Variants in PAX9 observed in about 807,000 individuals in gnomAD.
PAX9 encodes paired box 9, also known as paired box protein Pax-9.
Under a neutral mutation model 29.1 loss-of-function variants are expected in PAX9, and 6 were observed. The observed-to-expected ratio is 0.21, with a 90% CI of 0.11 to 0.41. The LOEUF (loss-of-function observed/expected upper bound fraction) is 0.41. Among genes scored for constraint, PAX9 ranks in the 10% least tolerant of loss-of-function variants. The pLI is 1.00. For missense variants in PAX9, 443 were observed against 479.1 expected, an observed-to-expected ratio of 0.92 and a Z score of 0.70; for synonymous variants, 217 against 211.7, an observed-to-expected ratio of 1.03 and a Z score of -0.22.
In PAX9 at chr14:36,663,132, C is replaced by T; in HGVS notation, c.240C>T (p.Thr80=). 6.2e-7 allele frequency: 1 copy of T among 1,613,994 alleles called. No individual in the cohort carries two copies. The highest frequency in any genetic ancestry group is 8.5e-7 in the Non-Finnish European group (1 of 1,180,034). ...AIGGSKPRVT[T]PTVVKHIRTY... ...GGGGCAGCAAGCCCCGGGTCACTAC[C>T]CCCACCGTGGTGAAACACATCCGGA... The change falls in exon 2 of 4, where the codon ACC becomes ACT. Residue 80 remains threonine (T), a synonymous_variant. Transcript: ENST00000361487.
intron 2 of PAX9, 37 bp from the exon 3 acceptor site, chr14:36,666,425 G>T: frequency 6.2e-7 from 1 of 1,600,600 alleles, no homozygotes; most frequent in Admixed American, 1.7e-5. Flanking sequence ...CGCGCGGGCT[G>T]GGCCTCCGGC....
In PAX9 at chr14:36,678,941, T is replaced by TTAAC; in HGVS notation, c.*2491_*2494dup. ...AAGGAAAATAGGATGGATTAAAGGGTTAACTTTTAAAGATTATTATTGGTT... is the reference window on the plus strand; with the variant it reads ...AAGGAAAATAGGATGGATTAAAGGGTTAACTAACTTTTAAAGATTATTATTGGTT... On this transcript the variant is annotated 3_prime_UTR_variant, in exon 4 of 4. Transcript: ENST00000361487. 1.0e-6 allele frequency: 1 copy of TTAAC among 981,310 alleles called. No homozygotes were observed. Among genetic ancestry groups the TTAAC allele is most frequent in the South Asian group, 4.7e-5 (1 of 21,188 alleles). The allele number at this position is 981,310 out of a possible 1,614,324, so 60.8% of individuals were successfully genotyped here. A position where few individuals can be genotyped will look rare whatever the true frequency, so the allele number is the denominator to read the frequency against.
Position 36,663,489 on chromosome 14 carries a change from C to T in PAX9, c.597C>T (p.Thr199=). Residue 199 remains threonine, a synonymous_variant, in exon 2 of 4, where the codon ACC becomes ACT. Transcript: ENST00000361487. ...CCTGGCCCTCCTCGCACTCCGTCAC[C>T]GACATCCTGGGCATCCGCTCCATCA... ...PRTWPSSHSV[T]DILGIRSITD... The T allele has an allele frequency of 6.2e-7, 1 of 1,612,974 alleles. No homozygotes were observed. The highest frequency in any genetic ancestry group is 8.5e-7 in the Non-Finnish European group (1 of 1,179,904).
intron 3 of PAX9, among the ~76,000 whole-genome samples, chr14:36,669,390 T>C (rs1881626818): frequency 6.6e-6 from 1 of 152,152 alleles, no homozygotes; most frequent in Non-Finnish European, 1.5e-5. Flanking sequence ...GTAACACGTA[T>C]TTTTCCCTCT....
chr14:36,661,305 C>T (rs147158970), upstream of PAX9, among the ~76,000 whole-genome samples: 33 of 152,358 alleles, frequency 2.2e-4, no homozygotes, highest in African/African-American at 7.9e-4. Context: ...ACCTGTGGCT[C>T]GGGCTCCCCG....
chr14:36,674,211 C>T (rs17104939), intron 3 of PAX9, among the ~76,000 whole-genome samples: 9,705 of 152,150 alleles, frequency 0.064, 519 homozygotes, highest in East Asian at 0.3. Context: ...AGAAACTATT[C>T]TTTTTTTAGA....
In PAX9 at chr14:36,679,267, G is replaced by T; in HGVS notation, c.*2815G>T. 1 of 982,844 alleles carries T rather than the reference G, an allele frequency of 1.0e-6. No homozygotes were observed. The highest frequency in any genetic ancestry group is 1.2e-6 in the Non-Finnish European group (1 of 827,652). 60.9% of individuals were successfully genotyped at this position (982,844 alleles called of 1,614,324 possible). ...AAATTTTAAAAAACACGTTGGAAAG[G>T]ATGTACAACAGAAGGCTATGTATGT... On this transcript the variant is annotated 3_prime_UTR_variant, in exon 4 of 4. Coordinates refer to ENST00000361487, the MANE Select transcript of PAX9 (RefSeq NM_001372076.1).
chr14:36,663,108 G>C lies in PAX9; in HGVS notation c.216G>C (p.Gly72=), dbSNP rs746823467. 9.9e-6 allele frequency: 16 copies of C among 1,613,984 alleles called. No individual in the cohort carries two copies. Among genetic ancestry groups the C allele is most frequent in the Non-Finnish European group, 1.4e-5 (16 of 1,180,044 alleles). The change falls in exon 2 of 4, where the codon GGG becomes GGC. Residue 72 remains glycine (G), a synonymous_variant. Coordinates refer to ENST00000361487, the MANE Select transcript of PAX9 (RefSeq NM_001372076.1). ...ETGSILPGAI[G]GSKPRVTTPT... The stretch of plus-strand genomic sequence containing the variant: ...GCTCGATCTTGCCAGGAGCCATCGG[G>C]GGCAGCAAGCCCCGGGTCACTACCC...
At position 36,678,448 on chromosome 14, in the gene PAX9, T is replaced by A; in HGVS notation, c.*1996T>A. ...TCTCAGGGCCATAGTCTTCCTTTGA[T>A]CTTGTAAAACTTCCATTGACATCTG... is the stretch of plus-strand genomic sequence containing the variant. On this transcript the variant is annotated 3_prime_UTR_variant, in exon 4 of 4. Coordinates refer to ENST00000361487, the MANE Select transcript of PAX9 (RefSeq NM_001372076.1). The A allele has an allele frequency of 6.7e-7, 1 of 1,494,774 alleles. No homozygotes were observed. The highest frequency in any genetic ancestry group is 9.0e-7 in the Non-Finnish European group (1 of 1,108,158). 92.6% of individuals were successfully genotyped at this position (1,494,774 alleles called of 1,614,324 possible). A position where few individuals can be genotyped will look rare whatever the true frequency, so the allele number is the denominator to read the frequency against.
At chr14:36,670,182 A>G (rs1881650922) in intron 3 of PAX9, among the ~76,000 whole-genome samples, 1 of 152,086 alleles carries the variant, frequency 6.6e-6, no homozygotes, top group Admixed American at 6.5e-5. Context: ...AGAAAGATAC[A>G]TTGCATATCT....
intron 3 of PAX9, among the ~76,000 whole-genome samples, chr14:36,666,987 C>G (rs941384957): frequency 3.9e-5 from 6 of 152,096 alleles, no homozygotes; most frequent in Admixed American, 1.3e-4. Flanking sequence ...TCTGAAGGGC[C>G]GAGCGGAGCA....
chr14:36,658,837 A>T (rs1881142926), upstream of PAX9: 1 of 152,284 alleles, frequency 6.6e-6, no homozygotes, highest in Non-Finnish European at 1.5e-5. Flanking sequence ...GGTCGATCCG[A>T]TGCTGGGGTC....
Position 36,663,131 on chromosome 14 carries a change from C to G in PAX9, c.239C>G (p.Thr80Ser). 6.2e-7 allele frequency: 1 copy of G among 1,614,024 alleles called. No homozygotes were observed. The highest frequency in any genetic ancestry group is 8.5e-7 in the Non-Finnish European group (1 of 1,180,046). Residue 80 changes from threonine (T) to serine (S), a missense_variant, in exon 2 of 4, where the codon ACC (threonine) becomes AGC (serine). This residue lies in a region of PAX9 where 107 missense variants were observed against 161.9 expected (regional missense o/e 0.66). Transcript: ENST00000361487. ...GGGGGCAGCAAGCCCCGGGTCACTA[C>G]CCCCACCGTGGTGAAACACATCCGG... Reference protein sequence around the residue: ...AIGGSKPRVTTPTVVKHIRTY... With the variant: ...AIGGSKPRVTSPTVVKHIRTY...
Position 36,663,335 on chromosome 14 carries a change from C to A in PAX9, c.443C>A (p.Pro148Gln), listed in dbSNP as rs974072582. The change falls in exon 2 of 4, where the codon CCG becomes CAG. Residue 148 changes from proline to glutamine, a missense_variant. This residue lies in a region of PAX9 where 336 missense variants were observed against 317.2 expected (regional missense o/e 1.06). Coordinates refer to ENST00000361487, the MANE Select transcript of PAX9 (RefSeq NM_001372076.1). ...TACGACTCATACAAGCAGCACCAGCCGACGCCGCAGCCAGCGCTGCCCTAC... is the reference window on the plus strand; with the variant it reads ...TACGACTCATACAAGCAGCACCAGCAGACGCCGCAGCCAGCGCTGCCCTAC... ...GHYDSYKQHQ[P>Q]TPQPALPYNH... The A allele has an allele frequency of 7.4e-6, 12 of 1,614,032 alleles. No homozygotes were observed. The highest frequency in any genetic ancestry group is 9.3e-6 in the Non-Finnish European group (11 of 1,180,052).
At chr14:36,671,476 G>A (rs1021540141) in intron 3 of PAX9, among the ~76,000 whole-genome samples, 3 of 144,472 alleles carry the variant, frequency 2.1e-5, no homozygotes, top group Non-Finnish European at 4.4e-5. Flanking sequence ...CTTGCTTAAA[G>A]TGTAATGCTT....
chr14:36,660,904 G>C (rs562670052), upstream of PAX9, among the ~76,000 whole-genome samples: 8 of 152,376 alleles, frequency 5.3e-5, no homozygotes, highest in South Asian at 1.7e-3. Context: ...GGCCTCTGGA[G>C]CTTAATGGAA....
chr14:36,662,449 A>G, intron 1 of PAX9: 1 of 405,496 alleles, frequency 2.5e-6, no homozygotes, highest in Non-Finnish European at 4.4e-6. Flanking sequence ...AAACAACAAC[A>G]AATAAAACAC....
upstream of PAX9, among the ~76,000 whole-genome samples, chr14:36,661,476 T>G (rs1054975481): frequency 2.6e-5 from 4 of 152,188 alleles, no homozygotes; most frequent in Non-Finnish European, 5.9e-5. Flanking sequence ...CCCTCACCCC[T>G]GTGCACGGTG....
upstream of PAX9, among the ~76,000 whole-genome samples, chr14:36,659,686 T>G (rs1014381726): frequency 6.6e-6 from 1 of 152,114 alleles, no homozygotes; most frequent in Non-Finnish European, 1.5e-5. Context: ...CCGCAGCAGC[T>G]GAGGCCACAT....
Sources: gnomAD v4.1 joint callset for allele counts (sites outside exome capture counted in the v4.1 genomes callset) on GRCh38, gnomAD v4.1.1 for gene constraint, gnomAD v4.1.1 regional missense constraint, MANE v1.5 for transcripts, NCBI Gene and HGNC (gene_info 2026-07-23, HGNC 2026-07-21) for gene names.